TMEM132C: variants seen among roughly 807,000 people sequenced by gnomAD.
The protein encoded by TMEM132C is protein phosphatase 1, regulatory subunit 152.
TMEM132C carries 29 observed loss-of-function variants against 61.4 expected under a neutral mutation model. The observed-to-expected ratio is 0.47, with a 90% CI of 0.35 to 0.64. TMEM132C has a LOEUF of 0.64. Ranked by LOEUF, TMEM132C falls within the 30% of genes least tolerant of loss-of-function variation. TMEM132C has a pLI of 0.00. For missense variants in TMEM132C, 1,408 were observed against 1,476.9 expected, an observed-to-expected ratio of 0.95 and a Z score of 0.76; for synonymous variants, 656 against 633.1, an observed-to-expected ratio of 1.04 and a Z score of -0.54.
intron 5 of TMEM132C, among the ~76,000 whole-genome samples, chr12:128,690,611 T>C (rs1286661424): frequency 6.6e-6 from 1 of 152,340 alleles, no homozygotes; most frequent in East Asian, 1.9e-4. Context: ...AAGTGATTAC[T>C]GATATAACTC....
At chr12:128,680,342 C>G (rs1954624935) in intron 5 of TMEM132C, among the ~76,000 whole-genome samples, 1 of 152,224 alleles carries the variant, frequency 6.6e-6, no homozygotes, top group Non-Finnish European at 1.5e-5. Context: ...GATTCGAACT[C>G]AGGTCTGCCT....
chr12:128,579,624 T>C (rs1247548147), intron 3 of TMEM132C, among the ~76,000 whole-genome samples: 1 of 152,230 alleles, frequency 6.6e-6, no homozygotes, highest in African/African-American at 2.4e-5. Context: ...ATATGTTGGA[T>C]GGCAGAACCT....
intron 2 of TMEM132C, among the ~76,000 whole-genome samples, chr12:128,431,126 G>A (rs970800759): frequency 2.0e-5 from 3 of 152,206 alleles, no homozygotes; most frequent in Non-Finnish European, 4.4e-5. Flanking sequence ...GAAATGAAAC[G>A]TGCGACTCCA....
At chr12:128,534,092 A>G (rs974223286) in intron 2 of TMEM132C, among the ~76,000 whole-genome samples, 16 of 152,340 alleles carry the variant, frequency 1.1e-4, no homozygotes, top group African/African-American at 3.8e-4. Context: ...TGCAGGGTGG[A>G]AATTAGGCTT....
intron 1 of TMEM132C, among the ~76,000 whole-genome samples, chr12:128,373,592 T>G (rs1420954923): frequency 4.6e-5 from 7 of 152,176 alleles, no homozygotes; most frequent in African/African-American, 1.7e-4. Flanking sequence ...CGTAGCGTAG[T>G]GGGATGTTCA....
intron 3 of TMEM132C, among the ~76,000 whole-genome samples, chr12:128,577,866 G>A (rs369039814): frequency 2.0e-4 from 31 of 152,254 alleles, no homozygotes; most frequent in East Asian, 5.8e-4. Flanking sequence ...CACCTTCTTC[G>A]CGGCTCCCCT....
intron 1 of TMEM132C, among the ~76,000 whole-genome samples, chr12:128,279,119 G>A (rs1870797609): frequency 1.3e-5 from 2 of 152,028 alleles, no homozygotes; most frequent in Admixed American, 1.3e-4. Context: ...AGAGGGTCCT[G>A]GAAGATCTAG....
At chr12:128,591,562 A>G (rs1033125528) in intron 3 of TMEM132C, among the ~76,000 whole-genome samples, 1 of 152,144 alleles carries the variant, frequency 6.6e-6, no homozygotes, top group Non-Finnish European at 1.5e-5. Context: ...ACATCCTTGT[A>G]GAGGTTTTTA....
At chr12:128,612,814 C>G (rs1228955438) in intron 3 of TMEM132C, among the ~76,000 whole-genome samples, 1 of 152,196 alleles carries the variant, frequency 6.6e-6, no homozygotes, top group African/African-American at 2.4e-5. Context: ...GAAAAATACC[C>G]CTTCTCTTTT....
intron 2 of TMEM132C, among the ~76,000 whole-genome samples, chr12:128,507,402 C>CTTTTT (rs111625089): frequency 2.6e-5 from 3 of 113,408 alleles, no homozygotes; most frequent in Non-Finnish European, 5.3e-5. Flanking sequence ...TTTTTTCTTT[C>CTTTTT]TTTTTTTTTT....
chr12:128,539,414 A>T (rs1426777884), intron 2 of TMEM132C, among the ~76,000 whole-genome samples: 2 of 152,192 alleles, frequency 1.3e-5, no homozygotes, highest in East Asian at 3.8e-4. Flanking sequence ...CAAGAAATCG[A>T]GACCATCCTG....
rs967689609 is a variant in TMEM132C, at chr12:128,326,257, C to CA, written c.85+58771dup. On this transcript the variant is annotated intron_variant, in intron 1 of 8. Transcript: ENST00000435159. This position sits in a 1 kb window ranked among gnomAD's most constrained non-coding sequence, Gnocchi z 5.6. ...TGGTTTGAGCACCTCCATTCCTCCC[C>CA]ACCACCATCACTCCATGAACCCCCC... Among the ~76,000 whole-genome samples the CA allele has an allele frequency of 1.3e-5, 2 of 152,130 alleles. No individual in the cohort carries two copies. Among genetic ancestry groups the CA allele is most frequent in the African/African-American group, 4.8e-5 (2 of 41,432 alleles).
At chr12:128,586,623 T>C (rs1419737031) in intron 3 of TMEM132C, among the ~76,000 whole-genome samples, 1 of 152,256 alleles carries the variant, frequency 6.6e-6, no homozygotes, top group Admixed American at 6.5e-5. Flanking sequence ...TGTATCTTCC[T>C]TGTTTTGTTC....
At chr12:128,627,749 C>A (rs1954029405) in intron 4 of TMEM132C, among the ~76,000 whole-genome samples, 1 of 152,202 alleles carries the variant, frequency 6.6e-6, no homozygotes, top group Admixed American at 6.5e-5. Context: ...GATGCCTCCC[C>A]CCGCCCTGCA....
rs1873128941 is a variant in TMEM132C, at chr12:128,527,611, C to T, written c.975-16346C>T. On this transcript the variant is annotated intron_variant, in intron 2 of 8. Transcript: ENST00000435159. ...GTTTTATTATTAATACACTCTTTTG[C>T]AGCAGTAACTCTTGACCAAAGAGAA... 2.6e-5 allele frequency among the ~76,000 whole-genome samples: 4 copies of T among 152,264 alleles called. No homozygotes were observed. In the South Asian group the frequency reaches 8.3e-4, roughly 32 times the overall value.
intron 3 of TMEM132C, among the ~76,000 whole-genome samples, chr12:128,585,261 TAGG>T: frequency 6.6e-6 from 1 of 152,350 alleles, no homozygotes; most frequent in South Asian, 2.1e-4. Context: ...GGTTTGGTGA[TAGG>T]AGATGTTAAA....
chr12:128,663,095 A>C (rs147192473), intron 4 of TMEM132C, among the ~76,000 whole-genome samples: 1 of 152,142 alleles, frequency 6.6e-6, no homozygotes, highest in African/African-American at 2.4e-5. Flanking sequence ...TTTTATAGAG[A>C]TATAATTCTC....
chr12:128,317,561 T>C (rs1399751334), intron 1 of TMEM132C, among the ~76,000 whole-genome samples: 1 of 152,250 alleles, frequency 6.6e-6, no homozygotes, highest in Non-Finnish European at 1.5e-5. Flanking sequence ...GAACTTTTTT[T>C]CTTAAAGGAG....
intron 2 of TMEM132C, among the ~76,000 whole-genome samples, chr12:128,499,344 A>G (rs1487946000): frequency 6.6e-6 from 1 of 152,182 alleles, no homozygotes; most frequent in African/African-American, 2.4e-5. Context: ...TACAGTGTGT[A>G]ATGATCAAAT....
Sources: gnomAD v4.1 joint callset for allele counts (sites outside exome capture counted in the v4.1 genomes callset) on GRCh38, gnomAD v4.1.1 for gene constraint, Gnocchi (gnomAD v3.1) non-coding constraint, MANE v1.5 for transcripts, NCBI Gene and HGNC (gene_info 2026-07-23, HGNC 2026-07-21) for gene names.